SLC24A4: variants seen among roughly 807,000 people sequenced by gnomAD.
SLC24A4 encodes solute carrier family 24 member 4.
A neutral mutation model predicts 79.0 loss-of-function variants in SLC24A4; 53 were observed. That is an observed-to-expected ratio of 0.67 (90% CI 0.54 to 0.84). SLC24A4 has a LOEUF of 0.84. Among genes scored for constraint, SLC24A4 ranks in the 40% least tolerant of loss-of-function variants. SLC24A4 has a pLI of 0.00. For missense variants in SLC24A4, 731 were observed against 822.0 expected (o/e 0.89, Z 1.35); for synonymous variants, 323 against 323.8 (o/e 1.00, Z 0.03).
At chr14:92,396,531 C>T (rs150960338) in intron 2 of SLC24A4, among the ~76,000 whole-genome samples, 7 of 152,232 alleles carry the variant, frequency 4.6e-5, no homozygotes, top group Admixed American at 3.3e-4. Flanking sequence ...AAGACCAGAG[C>T]GTGGGAATCA....
chr14:92,341,755 G>A (rs2141618695), intron 2 of SLC24A4, among the ~76,000 whole-genome samples: 1 of 152,284 alleles, frequency 6.6e-6, no homozygotes, highest in East Asian at 1.9e-4. Context: ...CAGTTAGATG[G>A]GGCCACGTGC....
At chr14:92,359,975 G>A (rs1381212686) in intron 2 of SLC24A4, among the ~76,000 whole-genome samples, 4 of 152,236 alleles carry the variant, frequency 2.6e-5, no homozygotes, top group Non-Finnish European at 5.9e-5. Context: ...CTGGAGTGCA[G>A]TGGTGCGATC....
intron 2 of SLC24A4, among the ~76,000 whole-genome samples, chr14:92,382,576 T>A (rs1888915643): frequency 6.6e-6 from 1 of 152,192 alleles, no homozygotes. Flanking sequence ...AATCATTTAA[T>A]GCCCACACCC....
At chr14:92,473,477 A>G (rs1894545481) in intron 12 of SLC24A4, among the ~76,000 whole-genome samples, 1 of 152,214 alleles carries the variant, frequency 6.6e-6, no homozygotes, top group Non-Finnish European at 1.5e-5. Context: ...CTTGGCTAGC[A>G]TGGATTGAAA....
Position 92,439,395 on chromosome 14 carries a change from GAGA to G in SLC24A4, c.383_385del (p.Lys128del). On this transcript the variant is annotated inframe_deletion, in exon 4 of 17. Coordinates refer to ENST00000532405, the MANE Select transcript of SLC24A4 (RefSeq NM_153646.4). ...CGATGACTTCTTTGTTCCGTCTCTA[GAGA>G]AGATCTGTGAGGTATGTGGAAGGGA... is the stretch of plus-strand genomic sequence containing the variant. The G allele has an allele frequency of 6.2e-7, 1 of 1,612,744 alleles. No individual in the cohort carries two copies. The highest frequency in any genetic ancestry group is 8.5e-7 in the Non-Finnish European group (1 of 1,178,880).
intron 2 of SLC24A4, among the ~76,000 whole-genome samples, chr14:92,386,671 A>C (rs762643980): frequency 2.8e-4 from 43 of 152,224 alleles, no homozygotes; most frequent in Non-Finnish European, 5.4e-4. Flanking sequence ...AAATCAGAGA[A>C]GCATGTAGTT....
intron 13 of SLC24A4, chr14:92,484,330 T>C: frequency 2.0e-6 from 2 of 985,390 alleles, no homozygotes; most frequent in Non-Finnish European, 2.4e-6. Flanking sequence ...TGAGTGTCCT[T>C]ACTCATGCAG....
chr14:92,361,239 A>C (rs186385713), intron 2 of SLC24A4, among the ~76,000 whole-genome samples: 1 of 151,766 alleles, frequency 6.6e-6, no homozygotes, highest in African/African-American at 2.4e-5. Flanking sequence ...TGCTGAAGAT[A>C]GCATTTGAAA....
chr14:92,327,344 C>CG (rs1233897739), intron 2 of SLC24A4, among the ~76,000 whole-genome samples: 1 of 152,152 alleles, frequency 6.6e-6, no homozygotes, highest in Non-Finnish European at 1.5e-5. Context: ...GCCCAGCAGG[C>CG]GGGGTGCTCA....
chr14:92,460,028 C>T lies in SLC24A4; in HGVS notation c.1255+3420C>T, dbSNP rs542755764. On this transcript the variant is annotated intron_variant, in intron 12 of 16. Coordinates refer to ENST00000532405, the MANE Select transcript of SLC24A4 (RefSeq NM_153646.4). The stretch of plus-strand genomic sequence containing the variant: ...AATCACAGGACCAGGGGAGGAATCA[C>T]AGGGCCAGGGGCCGCGGGAAGAGGG... 6.6e-5 allele frequency among the ~76,000 whole-genome samples: 10 copies of T among 152,250 alleles called. No individual in the cohort carries two copies. In the South Asian group the frequency reaches 1.9e-3, roughly 28 times the overall value.
rs1469342488 is a variant in SLC24A4, at chr14:92,342,667, C to T, written c.241+16689C>T. ...CAAGTGCTGAGATTACAGGCGTGCACCACCGCATGCCCTGCCCGGAGGTAA... is the reference window on the plus strand; with the variant it reads ...CAAGTGCTGAGATTACAGGCGTGCATCACCGCATGCCCTGCCCGGAGGTAA... On this transcript the variant is annotated intron_variant, in intron 2 of 16. Transcript: ENST00000532405. Among the ~76,000 whole-genome samples, 24 of 152,210 alleles carry T rather than the reference C, an allele frequency of 1.6e-4. 1 individual carries two copies. Among genetic ancestry groups the T allele is most frequent in the Admixed American group, 1.6e-3 (24 of 15,288 alleles).
chr14:92,488,381 C>T (rs1256768165), intron 14 of SLC24A4, among the ~76,000 whole-genome samples: 1 of 152,154 alleles, frequency 6.6e-6, no homozygotes, highest in East Asian at 1.9e-4. Flanking sequence ...AGACTTCCTC[C>T]TTCCTATAAG....
intron 2 of SLC24A4, among the ~76,000 whole-genome samples, chr14:92,409,255 A>T (rs1293933464): frequency 2.0e-5 from 3 of 152,200 alleles, no homozygotes; most frequent in East Asian, 1.9e-4. Context: ...GAGCAACTGG[A>T]TGGAGAATGG....
chr14:92,342,816 C>T (rs376829898), intron 2 of SLC24A4, among the ~76,000 whole-genome samples: 5 of 152,224 alleles, frequency 3.3e-5, no homozygotes, highest in Admixed American at 6.5e-5. Flanking sequence ...AAAGGCTGCT[C>T]CTCCCACTTT....
intron 2 of SLC24A4, among the ~76,000 whole-genome samples, chr14:92,389,229 T>A (rs1453679695): frequency 6.6e-6 from 1 of 152,194 alleles, no homozygotes; most frequent in African/African-American, 2.4e-5. Context: ...ACCCCACTCT[T>A]GGAAGGAAGT....
At chr14:92,360,370 G>T (rs1055373953) in intron 2 of SLC24A4, among the ~76,000 whole-genome samples, 2 of 151,994 alleles carry the variant, frequency 1.3e-5, no homozygotes, top group African/African-American at 4.8e-5. Flanking sequence ...CAAAGTGCTG[G>T]GATTACAGGC....
At chr14:92,439,436 TG>T in intron 4 of SLC24A4, 27 bp downstream of exon 4, 1 of 1,596,776 alleles carries the variant, frequency 6.3e-7, no homozygotes, top group Non-Finnish European at 8.6e-7. Context: ...TGGGACACCT[TG>T]GTGAAGCCTT....
At chr14:92,367,904 G>T (rs1887944634) in intron 2 of SLC24A4, among the ~76,000 whole-genome samples, 1 of 152,192 alleles carries the variant, frequency 6.6e-6, no homozygotes, top group Non-Finnish European at 1.5e-5. Flanking sequence ...TTCAAGAGAG[G>T]CAACGTGGAG....
At chr14:92,360,511 T>C (rs547751359) in intron 2 of SLC24A4, among the ~76,000 whole-genome samples, 6 of 152,352 alleles carry the variant, frequency 3.9e-5, no homozygotes, top group African/African-American at 1.4e-4. Flanking sequence ...TATTTATCCA[T>C]TTGCAGTTAG....
Sources: gnomAD v4.1 joint callset for allele counts (sites outside exome capture counted in the v4.1 genomes callset) on GRCh38, gnomAD v4.1.1 for gene constraint, MANE v1.5 for transcripts, NCBI Gene and HGNC (gene_info 2026-07-23, HGNC 2026-07-21) for gene names.